Variants in COL7A1 observed in about 807,000 individuals in gnomAD.
The protein encoded by COL7A1 is collagen alpha-1(VII) chain.
A neutral mutation model predicts 456.2 loss-of-function variants in COL7A1; 296 were observed. The observed-to-expected ratio is 0.65, with a 90% CI of 0.59 to 0.71. The LOEUF is 0.71. Among genes scored for constraint, COL7A1 ranks in the 30% least tolerant of loss-of-function variants. The pLI, the probability that COL7A1 is intolerant of heterozygous loss-of-function variation, is 0.00. For missense variants in COL7A1, 3,441 were observed against 4,017.2 expected (o/e 0.86, Z 3.88); for synonymous variants, 1,464 against 1,525.9 (o/e 0.96, Z 0.95).
chr3:48,574,457 G>A lies in COL7A1; in HGVS notation c.6456+31C>T. The A allele has an allele frequency of 1.2e-6, 2 of 1,613,994 alleles. No individual in the cohort carries two copies. The highest frequency in any genetic ancestry group is 1.7e-6 in the Non-Finnish European group (2 of 1,179,936). On this transcript the variant is annotated intron_variant, in intron 79 of 118. Coordinates refer to ENST00000681320, the MANE Select transcript of COL7A1 (RefSeq NM_000094.4). This position sits in a 1 kb window ranked among gnomAD's most constrained non-coding sequence, Gnocchi z 5.0. ...CAATACATGTGAGAGCCACCTTCTTGCACATGTGTGGCTGTTGGGCAAGGA... is the reference window on the plus strand; with the variant it reads ...CAATACATGTGAGAGCCACCTTCTTACACATGTGTGGCTGTTGGGCAAGGA...
Position 48,574,943 on chromosome 3 carries a change from A to G in COL7A1, c.6280-78T>C, listed in dbSNP as rs1274659578. Reference sequence around the variant, plus strand: ...GAGTCATCACAGATCTCAGGATCACAGAGGGTTATAGGGTCAGAAATTCCA... The same window carrying G: ...GAGTCATCACAGATCTCAGGATCACGGAGGGTTATAGGGTCAGAAATTCCA... On this transcript the variant is annotated intron_variant, in intron 76 of 118. Coordinates refer to ENST00000681320, the MANE Select transcript of COL7A1 (RefSeq NM_000094.4). The surrounding 1 kb of genome is among the most constrained non-coding windows in gnomAD (Gnocchi z 5.0). The G allele has an allele frequency of 1.3e-6, 2 of 1,588,568 alleles. No homozygotes were observed. The highest frequency in any genetic ancestry group is 1.7e-6 in the Non-Finnish European group (2 of 1,159,544).
rs2045973199 is a variant in COL7A1 at position 48,594,955 on chromosome 3, C to A, written c.85+120G>T. On this transcript the variant is annotated intron_variant, in intron 2 of 118. Transcript: ENST00000681320. The surrounding 1 kb of genome is among the most constrained non-coding windows in gnomAD (Gnocchi z 5.5). ...GGGGAGTCCCAGAATTAGGAGGAATCCGCGGGGCGTCGTGGAGTTGGCTGG... is the reference window on the plus strand; with the variant it reads ...GGGGAGTCCCAGAATTAGGAGGAATACGCGGGGCGTCGTGGAGTTGGCTGG... 2.4e-6 allele frequency: 2 copies of A among 843,104 alleles called. No individual in the cohort carries two copies. Among genetic ancestry groups the A allele is most frequent in the African/African-American group, 3.4e-5 (2 of 59,640 alleles). 52.2% of individuals were successfully genotyped at this position (843,104 alleles called of 1,614,324 possible). A position where few individuals can be genotyped will look rare whatever the true frequency, so the allele number is the denominator to read the frequency against.
Position 48,586,407 on chromosome 3 carries a change from CT to C in COL7A1, c.3474del (p.Val1160Ter). On this transcript the variant is annotated frameshift_variant, in exon 27 of 119. Transcript: ENST00000681320. LOFTEE classifies it high-confidence loss of function. The surrounding 1 kb of genome is among the most constrained non-coding windows in gnomAD (Gnocchi z 5.1). ...PDAPGRRQHVPGVMVLLVDEP... is the reference protein window; with the variant it reads ...PDAPGRRQHVXGVMVLLVDEP... ...TCATCCACTAGCAGAACCATCACCCCTGGTACGTGCTGGCGGCGCCCAGGAG... is the reference window on the plus strand; with the variant it reads ...TCATCCACTAGCAGAACCATCACCCCGGTACGTGCTGGCGGCGCCCAGGAG... The C allele has an allele frequency of 1.2e-6, 2 of 1,613,896 alleles. No individual in the cohort carries two copies. Among genetic ancestry groups the C allele is most frequent in the Middle Eastern group, 1.6e-4 (1 of 6,062 alleles).
At position 48,566,376 on chromosome 3, in the gene COL7A1, C is replaced by T; in HGVS notation, c.8359-61G>A. 6.2e-7 allele frequency: 1 copy of T among 1,603,814 alleles called. No individual in the cohort carries two copies. Among genetic ancestry groups the T allele is most frequent in the East Asian group, 2.2e-5 (1 of 44,666 alleles). On this transcript the variant is annotated intron_variant, in intron 113 of 118. Coordinates refer to ENST00000681320, the MANE Select transcript of COL7A1 (RefSeq NM_000094.4). This position sits in a 1 kb window ranked among gnomAD's most constrained non-coding sequence, Gnocchi z 5.9. The stretch of plus-strand genomic sequence containing the variant: ...CATGGCCCACAGGAAGGACATAGGG[C>T]ACATAATACAGGGACTATGGTGAGA...
chr3:48,584,166 G>A (rs2045026316), intron 37 of COL7A1, 105 bp from the exon 38 acceptor site: 9 of 1,593,816 alleles, frequency 5.6e-6, no homozygotes, highest in Admixed American at 1.7e-5. Context: ...AGGATTTTGG[G>A]AGAACTGAGG....
chr3:48,582,920 G>T, intron 44 of COL7A1, 93 bp downstream of exon 44: 2 of 1,570,912 alleles, frequency 1.3e-6, no homozygotes, highest in South Asian at 1.1e-5. Flanking sequence ...GAGGGGTGAG[G>T]AGCAGGGGTA....
chr3:48,564,429 AGGACAGGTTGGAAACGGTC>A lies in COL7A1; in HGVS notation c.8819-26_8819-8del. 1 of 1,613,998 alleles carries A rather than the reference AGGACAGGTTGGAAACGGTC, an allele frequency of 6.2e-7. No homozygotes were observed. The highest frequency in any genetic ancestry group is 8.5e-7 in the Non-Finnish European group (1 of 1,179,940). On this transcript the variant is annotated splice_polypyrimidine_tract_variant and splice_region_variant and intron_variant, in intron 118 of 118. Coordinates refer to ENST00000681320, the MANE Select transcript of COL7A1 (RefSeq NM_000094.4). The surrounding 1 kb of genome is among the most constrained non-coding windows in gnomAD (Gnocchi z 6.0). ...CCTCAGTCCTGGGCAGTACCTGGTG[AGGACAGGTTGGAAACGGTC>A]GTCAGCCATCTGACCTTCCCCGGAG...
Position 48,584,343 on chromosome 3 carries a change from G to A in COL7A1, c.4152C>T (p.Asp1384=). ...GCCCTGGGGGGCCACGGGGTCCTGG[G>A]TCCCCCAGTGGTCCACGAGGTCCAG... ...GPPGPRGPLG[D]PGPRGPPGLP... Residue 1384 remains aspartate (D), a synonymous_variant, in exon 37 of 119, where the codon GAC becomes GAT. Transcript: ENST00000681320. 4 of 1,613,332 alleles carry A rather than the reference G, an allele frequency of 2.5e-6. No homozygotes were observed. Among genetic ancestry groups the A allele is most frequent in the Non-Finnish European group, 3.4e-6 (4 of 1,179,642 alleles).
In COL7A1 at chr3:48,592,480, C is replaced by A; in HGVS notation, c.977-13G>T. 1 of 1,613,288 alleles carries A rather than the reference C, an allele frequency of 6.2e-7. No individual in the cohort carries two copies. Among genetic ancestry groups the A allele is most frequent in the Admixed American group, 1.7e-5 (1 of 60,028 alleles). On this transcript the variant is annotated splice_polypyrimidine_tract_variant and intron_variant, in intron 8 of 118. Transcript: ENST00000681320. This position sits in a 1 kb window ranked among gnomAD's most constrained non-coding sequence, Gnocchi z 7.6. ...CCTTCTAGGGCAGCTGGGGGAGAGT[C>A]CCACCAGGGATTCATGGAGTCAGAA... is the stretch of plus-strand genomic sequence containing the variant.
Position 48,569,063 on chromosome 3 carries a change from G to A in COL7A1, c.7687-208C>T, listed in dbSNP as rs566468729. On this transcript the variant is annotated intron_variant, in intron 103 of 118. Transcript: ENST00000681320. This position sits in a 1 kb window ranked among gnomAD's most constrained non-coding sequence, Gnocchi z 4.9. The stretch of plus-strand genomic sequence containing the variant: ...CTCACCCCAAGGACTCCAGACCCTT[G>A]CCCCGCCCTCTTATCACTGGGTTCC... Among the ~76,000 whole-genome samples, 10 of 152,114 alleles carry A rather than the reference G, an allele frequency of 6.6e-5. No individual in the cohort carries two copies. Among genetic ancestry groups the A allele is most frequent in the African/African-American group, 1.9e-4 (8 of 41,486 alleles).
chr3:48,589,277 G>A (rs780748807), intron 18 of COL7A1, 50 bp downstream of exon 18: 3 of 1,610,418 alleles, frequency 1.9e-6, no homozygotes, highest in Admixed American at 1.7e-5. Flanking sequence ...CACACAGCAG[G>A]GCAGGGTAGC....
In COL7A1 at chr3:48,586,634, G is replaced by C. The variant is rs563975515; in HGVS notation, c.3332C>G (p.Ser1111Cys). The C allele has an allele frequency of 6.2e-7, 1 of 1,613,592 alleles. No homozygotes were observed. Among genetic ancestry groups the C allele is most frequent in the East Asian group, 2.2e-5 (1 of 44,876 alleles). Reference protein sequence around the residue: ...RPSPLFPLNGSHDLGIILQRI... With the variant: ...RPSPLFPLNGCHDLGIILQRI... ...TTGCAAGATAATGCCAAGGTCATGG[G>C]AGCCATTCAGTGGGAACAGTGGGGA... Residue 1111 changes from serine to cysteine, a missense_variant, in exon 26 of 119, where the codon TCC becomes TGC. By Grantham distance (112) the Ser-to-Cys change is moderately radical (BLOSUM62 -1). Coordinates refer to ENST00000681320, the MANE Select transcript of COL7A1 (RefSeq NM_000094.4). The surrounding 1 kb of genome is among the most constrained non-coding windows in gnomAD (Gnocchi z 5.1).
Position 48,566,091 on chromosome 3 carries a change from G to A in COL7A1, c.8407+176C>T, listed in dbSNP as rs967145409. Among the ~76,000 whole-genome samples, 2 of 152,166 alleles carry A rather than the reference G, an allele frequency of 1.3e-5. No individual in the cohort carries two copies. Among genetic ancestry groups the A allele is most frequent in the African/African-American group, 2.4e-5 (1 of 41,442 alleles). On this transcript the variant is annotated intron_variant, in intron 114 of 118. Transcript: ENST00000681320. This position sits in a 1 kb window ranked among gnomAD's most constrained non-coding sequence, Gnocchi z 5.9. ...CATGGCAATCCTCATCTGCCTGTGT[G>A]TCTCCCTCCACTGGGGACACATGTC...
At position 48,587,829 on chromosome 3, in the gene COL7A1, C is replaced by T. The variant is rs2045383422; in HGVS notation, c.2821G>A (p.Gly941Arg). ...GTCACCTCTGCAGAGGGCCCTTCTC[C>T]AGCTGGCCCTAGGACACTCAGCCTC... ...RVRLSVLGPA[G>R]EGPSAEVTAR... Residue 941 changes from glycine to arginine, a missense_variant, in exon 22 of 119, where the codon GGA (glycine) becomes AGA (arginine). By Grantham distance (125) the Gly-to-Arg change is moderately radical. Around this residue, in one of 3 missense-constraint regions of COL7A1, gnomAD observed 444 missense variants for 427.6 expected, o/e 1.04. Coordinates refer to ENST00000681320, the MANE Select transcript of COL7A1 (RefSeq NM_000094.4). This position sits in a 1 kb window ranked among gnomAD's most constrained non-coding sequence, Gnocchi z 6.1. 2 of 1,613,420 alleles carry T rather than the reference C, an allele frequency of 1.2e-6. No homozygotes were observed. The highest frequency in any genetic ancestry group is 1.7e-6 in the Non-Finnish European group (2 of 1,179,964).
At position 48,569,457 on chromosome 3, in the gene COL7A1, T is replaced by A. The variant is rs761833008; in HGVS notation, c.7615-11A>T. 6.2e-7 allele frequency: 1 copy of A among 1,614,066 alleles called. No homozygotes were observed. Among genetic ancestry groups the A allele is most frequent in the Non-Finnish European group, 8.5e-7 (1 of 1,179,990 alleles). ...AGGCCCTCGTTCACCCTGGGTTGGT[T>A]TGGGTAAGAAGTCACGGTAAGGGGC... On this transcript the variant is annotated splice_polypyrimidine_tract_variant and intron_variant, in intron 102 of 118. Coordinates refer to ENST00000681320, the MANE Select transcript of COL7A1 (RefSeq NM_000094.4). This position sits in a 1 kb window ranked among gnomAD's most constrained non-coding sequence, Gnocchi z 4.9.
Position 48,578,485 on chromosome 3 carries a change from G to C in COL7A1, c.5455C>G (p.Leu1819Val). Residue 1819 changes from leucine (L) to valine (V), a missense_variant, in exon 64 of 119, where the codon CTC becomes GTC. Transcript: ENST00000681320. This position sits in a 1 kb window ranked among gnomAD's most constrained non-coding sequence, Gnocchi z 4.7. ...CCAGGGGGACCAGAGGGGCCAGGGAGGCCCTGTTCTCCACGGAGGCCTGGA... is the reference window on the plus strand; with the variant it reads ...CCAGGGGGACCAGAGGGGCCAGGGACGCCCTGTTCTCCACGGAGGCCTGGA... ...GLPGLRGEQG[L>V]PGPSGPPGLP... 1 of 1,612,756 alleles carries C rather than the reference G, an allele frequency of 6.2e-7. No homozygotes were observed. Among genetic ancestry groups the C allele is most frequent in the Non-Finnish European group, 8.5e-7 (1 of 1,179,998 alleles).
In COL7A1 at chr3:48,566,019, C is replaced by T. The variant is rs1233137708; in HGVS notation, c.8407+248G>A. On this transcript the variant is annotated intron_variant, in intron 114 of 118. Coordinates refer to ENST00000681320, the MANE Select transcript of COL7A1 (RefSeq NM_000094.4). This position sits in a 1 kb window ranked among gnomAD's most constrained non-coding sequence, Gnocchi z 5.9. ...CCAAGGGGACCAGCTCTGCTCCCACCATCATCCCACTCCCCACACAGCCAA... is the reference window on the plus strand; with the variant it reads ...CCAAGGGGACCAGCTCTGCTCCCACTATCATCCCACTCCCCACACAGCCAA... Among the ~76,000 whole-genome samples the T allele has an allele frequency of 6.6e-6, 1 of 152,138 alleles. No homozygotes were observed. Among genetic ancestry groups the T allele is most frequent in the East Asian group, 1.9e-4 (1 of 5,176 alleles).
In COL7A1 at chr3:48,573,938, C is replaced by A; in HGVS notation, c.6502-48G>T. On this transcript the variant is annotated intron_variant, in intron 80 of 118. Coordinates refer to ENST00000681320, the MANE Select transcript of COL7A1 (RefSeq NM_000094.4). The surrounding 1 kb of genome is among the most constrained non-coding windows in gnomAD (Gnocchi z 5.5). ...AGCCTCAATCTGGGCCTCACTTGGG[C>A]CTGTTCCCAACCTCTGGGGGCTTTT... 1 of 1,609,068 alleles carries A rather than the reference C, an allele frequency of 6.2e-7. No individual in the cohort carries two copies. The highest frequency in any genetic ancestry group is 1.3e-5 in the African/African-American group (1 of 74,874).
chr3:48,592,799 C>T lies in COL7A1; in HGVS notation c.822G>A (p.Gln274=). 1 of 1,613,840 alleles carries T rather than the reference C, an allele frequency of 6.2e-7. No homozygotes were observed. The highest frequency in any genetic ancestry group is 8.5e-7 in the Non-Finnish European group (1 of 1,180,050). ...CCTCCTGCCGCTCACTCGGCAGTGG[C>T]TGTCCCAGCCCCGTCAGAGGAGTGT... The part of the protein sequence containing the change: ...VQYTPLTGLG[Q]PLPSERQEVN... The change falls in exon 7 of 119, where the codon CAG becomes CAA. Residue 274 remains glutamine (Q), a synonymous_variant. Transcript: ENST00000681320. This position sits in a 1 kb window ranked among gnomAD's most constrained non-coding sequence, Gnocchi z 7.6.
Sources: gnomAD v4.1 joint callset for allele counts (sites outside exome capture counted in the v4.1 genomes callset) on GRCh38, gnomAD v4.1.1 for gene constraint, gnomAD v4.1.1 regional missense constraint, Gnocchi (gnomAD v3.1) non-coding constraint, MANE v1.5 for transcripts, NCBI Gene and HGNC (gene_info 2026-07-23, HGNC 2026-07-21) for gene names.